The following RCOR2 variants were observed in gnomAD, a reference collection of about 807,000 sequenced individuals.
RCOR2 encodes REST corepressor 2.
In RCOR2, 19 loss-of-function variants were observed where a neutral mutation model predicts 58.9. The observed-to-expected ratio is 0.32, with a 90% CI of 0.23 to 0.47. The LOEUF (loss-of-function observed/expected upper bound fraction) is 0.47, where lower values mean the gene tolerates loss of function less well. RCOR2 is among the 20% of genes least tolerant of loss of function. The pLI, the probability that RCOR2 is intolerant of heterozygous loss-of-function variation, is 1.00. For missense variants in RCOR2, 590 were observed against 707.9 expected, an observed-to-expected ratio of 0.83 and a Z score of 1.89; for synonymous variants, 286 against 278.7, an observed-to-expected ratio of 1.03 and a Z score of -0.26.
In RCOR2 at chr11:63,914,251, G is replaced by C. The variant is rs778499863; in HGVS notation, c.675+10C>G. 1 of 1,613,372 alleles carries C rather than the reference G, an allele frequency of 6.2e-7. No homozygotes were observed. Among genetic ancestry groups the C allele is most frequent in the Non-Finnish European group, 8.5e-7 (1 of 1,179,956 alleles). Reference sequence around the variant, plus strand: ...CAGGCAGGCAGGGCCCAGAGGCTCTGGGAGCTCACCTCTCTCTTGGGATCT... The same window carrying C: ...CAGGCAGGCAGGGCCCAGAGGCTCTCGGAGCTCACCTCTCTCTTGGGATCT... On this transcript the variant is annotated intron_variant, in intron 7 of 11. Coordinates refer to ENST00000301459, the MANE Select transcript of RCOR2 (RefSeq NM_173587.4).
upstream of RCOR2, among the ~76,000 whole-genome samples, chr11:63,920,995 G>A (rs563520165): frequency 6.6e-6 from 1 of 152,364 alleles, no homozygotes; most frequent in African/African-American, 2.4e-5. Flanking sequence ...GCAAGGAGGC[G>A]GCAGAGGGAG....
In RCOR2 at chr11:63,916,906, C is replaced by A. The variant is rs1941865650; in HGVS notation, c.-450G>T. ...TCAGCTGCGCCGGGGATGCCCCAGTCCCCGGGCGGGGACCCGTGTCCTAAG... is the reference window on the plus strand; with the variant it reads ...TCAGCTGCGCCGGGGATGCCCCAGTACCCGGGCGGGGACCCGTGTCCTAAG... On this transcript the variant is annotated 5_prime_UTR_variant, in exon 1 of 12. Coordinates refer to ENST00000301459, the MANE Select transcript of RCOR2 (RefSeq NM_173587.4). 6.5e-6 allele frequency: 1 copy of A among 153,964 alleles called. No homozygotes were observed. Among genetic ancestry groups the A allele is most frequent in the African/African-American group, 2.4e-5 (1 of 41,428 alleles). The allele number at this position is 153,964 out of a possible 1,614,324, so 9.5% of individuals were successfully genotyped here.
chr11:63,912,660 C>T lies in RCOR2; in HGVS notation c.1027+16G>A, dbSNP rs1211864936. The T allele has an allele frequency of 6.8e-6, 11 of 1,613,744 alleles. No homozygotes were observed. Among genetic ancestry groups the T allele is most frequent in the Non-Finnish European group, 7.6e-6 (9 of 1,179,750 alleles). ...AGATTCCTGGGGTCCTCTCTTCTCACCACAGTTTAACCCACCTTGAACAGC... is the reference window on the plus strand; with the variant it reads ...AGATTCCTGGGGTCCTCTCTTCTCATCACAGTTTAACCCACCTTGAACAGC... On this transcript the variant is annotated intron_variant, in intron 10 of 11. Coordinates refer to ENST00000301459, the MANE Select transcript of RCOR2 (RefSeq NM_173587.4).
chr11:63,917,934 C>G (rs927184664), upstream of RCOR2, among the ~76,000 whole-genome samples: 1 of 152,180 alleles, frequency 6.6e-6, no homozygotes, highest in East Asian at 1.9e-4. Flanking sequence ...GCGGGTAGAG[C>G]GGCACAGACG....
Position 63,912,129 on chromosome 11 carries a change from C to T in RCOR2, c.1308G>A (p.Ala436=), listed in dbSNP as rs1326964557. ...AGGTGGGAGGTGGAGGGGGTGGTGG[C>T]GCAGGGGGCACTGATCGGGGCACGG... ...STSVPRSVPP[A]PPPPPPPTSL... Residue 436 remains alanine (A), a synonymous_variant, in exon 12 of 12, where the codon GCG becomes GCA. Coordinates refer to ENST00000301459, the MANE Select transcript of RCOR2 (RefSeq NM_173587.4). 20 of 1,487,626 alleles carry T rather than the reference C, an allele frequency of 1.3e-5. No individual in the cohort carries two copies. The highest frequency in any genetic ancestry group is 1.5e-5 in the Non-Finnish European group (17 of 1,127,786). 92.2% of individuals were successfully genotyped at this position (1,487,626 alleles called of 1,614,324 possible).
In RCOR2 at chr11:63,914,284, C is replaced by G. The variant is rs371327834; in HGVS notation, c.652G>C (p.Asp218His). 12 of 1,613,392 alleles carry G rather than the reference C, an allele frequency of 7.4e-6. No individual in the cohort carries two copies. The African/African-American group carries it at 8.0e-5, about 11-fold the overall frequency. The change falls in exon 7 of 12, where the codon GAT becomes CAT. Residue 218 changes from aspartate (D) to histidine (H), a missense_variant. Asp to His is a moderately conservative substitution (Grantham distance 81). Coordinates refer to ENST00000301459, the MANE Select transcript of RCOR2 (RefSeq NM_173587.4). Reference sequence around the variant, plus strand: ...ACCTCTCTCTTGGGATCTGCAGGATCGGGCTCTCCCTCACTCACGCCTCCT... The same window carrying G: ...ACCTCTCTCTTGGGATCTGCAGGATGGGGCTCTCCCTCACTCACGCCTCCT... ...GRGGVSEGEP[D>H]PADPKREPLP... is the part of the protein sequence containing the mutation.
In RCOR2 at chr11:63,914,247, C is replaced by T; in HGVS notation, c.675+14G>A. The T allele has an allele frequency of 6.2e-7, 1 of 1,613,464 alleles. No individual in the cohort carries two copies. The highest frequency in any genetic ancestry group is 1.1e-5 in the South Asian group (1 of 91,078). ...AGGACAGGCAGGCAGGGCCCAGAGGCTCTGGGAGCTCACCTCTCTCTTGGG... is the reference window on the plus strand; with the variant it reads ...AGGACAGGCAGGCAGGGCCCAGAGGTTCTGGGAGCTCACCTCTCTCTTGGG... On this transcript the variant is annotated intron_variant, in intron 7 of 11. Coordinates refer to ENST00000301459, the MANE Select transcript of RCOR2 (RefSeq NM_173587.4).
Position 63,917,152 on chromosome 11 carries a change from T to A in RCOR2, c.-696A>T, listed in dbSNP as rs1194378423. Among the ~76,000 whole-genome samples the A allele has an allele frequency of 6.6e-6, 1 of 151,702 alleles. No individual in the cohort carries two copies. Among genetic ancestry groups the A allele is most frequent in the Admixed American group, 6.6e-5 (1 of 15,266 alleles). ...CCCGCTCTCCGCCGCCGCTCGCTCC[T>A]CGCGCACACAATGAAGCTGCTGGCA... On this transcript the variant is annotated 5_prime_UTR_variant, in exon 1 of 12. Transcript: ENST00000301459.
At chr11:63,913,008 C>T in intron 8 of RCOR2, 61 bp from the exon 9 acceptor site, 1 of 1,398,240 alleles carries the variant, frequency 7.2e-7, no homozygotes, top group Non-Finnish European at 9.9e-7. Context: ...CACTATGCCC[C>T]TCACAGGACC....
In RCOR2 at chr11:63,916,800, G is replaced by A. The variant is rs1399112563; in HGVS notation, c.-344C>T. The A allele has an allele frequency of 1.2e-5, 3 of 241,894 alleles. No homozygotes were observed. The highest frequency in any genetic ancestry group is 2.4e-5 in the Non-Finnish European group (3 of 124,516). The allele number at this position is 241,894 out of a possible 1,614,324, so 15.0% of individuals were successfully genotyped here. On this transcript the variant is annotated 5_prime_UTR_variant, in exon 1 of 12. Coordinates refer to ENST00000301459, the MANE Select transcript of RCOR2 (RefSeq NM_173587.4). ...GGGCCCCCTGTCCTCGGGGCGCCCT[G>A]GAACCCCACCGCCCACCTGCCCACG...
rs565449180 is a variant in RCOR2, at chr11:63,914,246, G to A, written c.675+15C>T. ...GAGGACAGGCAGGCAGGGCCCAGAG[G>A]CTCTGGGAGCTCACCTCTCTCTTGG... is the stretch of plus-strand genomic sequence containing the variant. On this transcript the variant is annotated intron_variant, in intron 7 of 11. Transcript: ENST00000301459. 6.2e-7 allele frequency: 1 copy of A among 1,613,374 alleles called. No homozygotes were observed.
At chr11:63,920,938 CAG>C (rs934986542), upstream of RCOR2, among the ~76,000 whole-genome samples, 14 of 152,016 alleles carry the variant, frequency 9.2e-5, no homozygotes, top group African/African-American at 2.9e-4. Flanking sequence ...AAAGAGGTGA[CAG>C]AGGTGGCAAT....
chr11:63,920,980 G>A (rs1237404869), upstream of RCOR2, among the ~76,000 whole-genome samples: 1 of 152,228 alleles, frequency 6.6e-6, no homozygotes, highest in African/African-American at 2.4e-5. Context: ...CGGCACGGTG[G>A]CCGTGCAAGG....
the RCOR2 span, among the ~76,000 whole-genome samples, chr11:63,924,428 C>G: frequency 6.6e-6 from 1 of 152,138 alleles, no homozygotes; most frequent in South Asian, 2.1e-4. Context: ...AGGCTGGTCT[C>G]GTAATCCTGA....
the RCOR2 span, among the ~76,000 whole-genome samples, chr11:63,925,900 A>G: frequency 6.6e-6 from 1 of 151,288 alleles, no homozygotes; most frequent in African/African-American, 2.4e-5. Flanking sequence ...AAGTCACTGA[A>G]CCTCTGGACC....
chr11:63,916,140 CT>C (rs1260921014), intron 1 of RCOR2, among the ~76,000 whole-genome samples, 189 bp downstream of exon 1: 1 of 152,246 alleles, frequency 6.6e-6, no homozygotes, highest in Non-Finnish European at 1.5e-5. Context: ...TCCACAGCAG[CT>C]AGGGGCCCAG....
intron 8 of RCOR2, among the ~76,000 whole-genome samples, chr11:63,913,230 AG>A (rs1325320929): frequency 5.8e-5 from 7 of 121,292 alleles, no homozygotes; most frequent in Non-Finnish European, 8.2e-5. Flanking sequence ...CTTGTTACCC[AG>A]GTTGGAGTGC....
At chr11:63,924,397 C>A in the RCOR2 span, among the ~76,000 whole-genome samples, 1 of 152,048 alleles carries the variant, frequency 6.6e-6, no homozygotes, top group Admixed American at 6.6e-5. Context: ...TTAGTAGAGA[C>A]GGGGTTTCAC....
chr11:63,911,811 G>A lies in RCOR2; in HGVS notation c.*54C>T. 6.8e-7 allele frequency: 1 copy of A among 1,475,426 alleles called. No homozygotes were observed. The allele number at this position is 1,475,426 out of a possible 1,614,324, so 91.4% of individuals were successfully genotyped here. A position where few individuals can be genotyped will look rare whatever the true frequency, so the allele number is the denominator to read the frequency against. Reference sequence around the variant, plus strand: ...TCCTCAGTGACACCAGAGATGCCTGGGGATGGCCAGCAAAGGGGTCCTGGA... The same window carrying A: ...TCCTCAGTGACACCAGAGATGCCTGAGGATGGCCAGCAAAGGGGTCCTGGA... On this transcript the variant is annotated 3_prime_UTR_variant, in exon 12 of 12. Transcript: ENST00000301459.
Sources: gnomAD v4.1 joint callset for allele counts (sites outside exome capture counted in the v4.1 genomes callset) on GRCh38, gnomAD v4.1.1 for gene constraint, MANE v1.5 for transcripts, NCBI Gene and HGNC (gene_info 2026-07-23, HGNC 2026-07-21) for gene names.